GAPVD1: variants seen among roughly 807,000 people sequenced by gnomAD.
GAPVD1 encodes GTPase-activating protein and VPS9 domain-containing protein 1.
In GAPVD1, 35 loss-of-function variants were observed where a neutral mutation model predicts 155.5. The observed-to-expected ratio is 0.23, with a 90% confidence interval of 0.17 to 0.30. GAPVD1 has a LOEUF of 0.30. GAPVD1 is among the 10% of genes least tolerant of loss of function. GAPVD1 has a pLI of 1.00. For synonymous variants in GAPVD1, 636 were observed against 619.7 expected, an observed-to-expected ratio of 1.03 and a Z score of -0.39; for missense variants, 1,429 against 1,775.7, an observed-to-expected ratio of 0.80 and a Z score of 3.51.
chr9:125,361,115 C>T (rs1589151415), intron 27 of GAPVD1, among the ~76,000 whole-genome samples: 3 of 152,228 alleles, frequency 2.0e-5, no homozygotes, highest in South Asian at 2.1e-4. Flanking sequence ...GTGATTCGCC[C>T]GCCTCAGCCT....
At chr9:125,315,942 A>G (rs186288285) in intron 9 of GAPVD1, among the ~76,000 whole-genome samples, 11 of 152,288 alleles carry the variant, frequency 7.2e-5, no homozygotes, top group African/African-American at 2.6e-4. Flanking sequence ...CTGCCTGGCT[A>G]AGTGTTGAAG....
intron 24 of GAPVD1, 132 bp from the exon 25 acceptor site, chr9:125,355,512 C>G (rs1195640303): frequency 3.1e-5 from 19 of 611,332 alleles, no homozygotes; most frequent in African/African-American, 5.5e-5. Context: ...ATAAACTACA[C>G]TGAAACACTT....
chr9:125,341,312 G>T, intron 18 of GAPVD1, 48 bp downstream of exon 18: 3 of 931,230 alleles, frequency 3.2e-6, no homozygotes, highest in Non-Finnish European at 5.1e-6. Flanking sequence ...AAGAAGCAAA[G>T]CCCCAGAATC....
At chr9:125,267,976 G>A (rs1487103876) in intron 1 of GAPVD1, among the ~76,000 whole-genome samples, 2 of 151,808 alleles carry the variant, frequency 1.3e-5, no homozygotes, top group Non-Finnish European at 2.9e-5. Context: ...CAGCCTGGCC[G>A]ACATGATGAA....
At chr9:125,280,263 G>T (rs1017364893) in intron 2 of GAPVD1, among the ~76,000 whole-genome samples, 4 of 150,872 alleles carry the variant, frequency 2.7e-5, no homozygotes, top group African/African-American at 9.7e-5. Flanking sequence ...AGGCATGGTG[G>T]TGCATGCCTG....
At chr9:125,287,557 GA>G (rs1837907170) in intron 2 of GAPVD1, among the ~76,000 whole-genome samples, 1 of 152,142 alleles carries the variant, frequency 6.6e-6, no homozygotes, top group Non-Finnish European at 1.5e-5. Flanking sequence ...GCAGGAGCAG[GA>G]AAGTTTATGT....
chr9:125,326,231 T>C (rs1392507210), intron 11 of GAPVD1, among the ~76,000 whole-genome samples, 185 bp from the exon 12 acceptor site: 1 of 152,188 alleles, frequency 6.6e-6, no homozygotes, highest in Non-Finnish European at 1.5e-5. Flanking sequence ...AGAAGTGAAT[T>C]GATAGGCCAG....
At chr9:125,317,623 C>CT (rs1843644038) in intron 9 of GAPVD1, among the ~76,000 whole-genome samples, 2 of 129,012 alleles carry the variant, frequency 1.6e-5, no homozygotes, top group Admixed American at 8.2e-5. Flanking sequence ...GAAACTCTGT[C>CT]TCAAAAAAAA....
chr9:125,350,526 A>G, intron 22 of GAPVD1, 122 bp downstream of exon 22: 1 of 748,640 alleles, frequency 1.3e-6, no homozygotes, highest in Non-Finnish European at 2.3e-6. Context: ...ATATGTTTAC[A>G]TTAGTATCAC....
At chr9:125,325,221 A>G (rs1398685802) in intron 11 of GAPVD1, among the ~76,000 whole-genome samples, 1 of 132,890 alleles carries the variant, frequency 7.5e-6, no homozygotes, top group Non-Finnish European at 1.6e-5. Context: ...TGAGACTCTG[A>G]TTGAAAAAAA....
intron 9 of GAPVD1, among the ~76,000 whole-genome samples, chr9:125,317,715 T>A (rs1370470826): frequency 6.9e-6 from 1 of 145,842 alleles, no homozygotes; most frequent in Non-Finnish European, 1.5e-5. Context: ...TTTAAATCAA[T>A]TTTTTTTTTA....
Position 125,302,704 on chromosome 9 carries a change from A to T in GAPVD1, c.907A>T (p.Arg303Trp). Residue 303 changes from arginine to tryptophan, a missense_variant, in exon 5 of 28, where the codon AGG (arginine) becomes TGG (tryptophan). Physicochemically the swap from Arg to Trp is moderately radical, Grantham distance 101. Transcript: ENST00000297933. ...AGATAGGCTGGAAGTTGGGGAGGTC[A>T]GGGCAATGTGTACTGATCTCCTGTT... ...CVDRLEVGEV[R>W]AMCTDLLLAC... is the part of the protein sequence containing the mutation. The T allele has an allele frequency of 6.2e-7, 1 of 1,613,928 alleles. No individual in the cohort carries two copies. The highest frequency in any genetic ancestry group is 8.5e-7 in the Non-Finnish European group (1 of 1,179,960).
At chr9:125,358,498 T>TA (rs1294345368) in intron 25 of GAPVD1, among the ~76,000 whole-genome samples, 1 of 152,224 alleles carries the variant, frequency 6.6e-6, no homozygotes, top group Non-Finnish European at 1.5e-5. Flanking sequence ...GACAGTGGCT[T>TA]ACTGTGCCTG....
chr9:125,344,908 A>G (rs1435367145), intron 19 of GAPVD1, among the ~76,000 whole-genome samples: 1 of 152,178 alleles, frequency 6.6e-6, no homozygotes, highest in Non-Finnish European at 1.5e-5. Flanking sequence ...GACAGATCAG[A>G]TTTTATTAAG....
intron 2 of GAPVD1, among the ~76,000 whole-genome samples, chr9:125,285,065 G>A (rs1210579315): frequency 6.6e-6 from 1 of 152,180 alleles, no homozygotes; most frequent in African/African-American, 2.4e-5. Context: ...TCAGGGGTTG[G>A]CAGAGTTTTT....
intron 2 of GAPVD1, chr9:125,287,929 C>A (rs1359516452): frequency 6.6e-6 from 1 of 151,436 alleles, no homozygotes; most frequent in Non-Finnish European, 1.5e-5. Context: ...TTAGTAGAGA[C>A]GGGTTTCACC....
intron 15 of GAPVD1, among the ~76,000 whole-genome samples, chr9:125,333,346 C>CTGG (rs993776551): frequency 6.6e-6 from 1 of 152,160 alleles, no homozygotes; most frequent in African/African-American, 2.4e-5. Context: ...TCCCAAAGTG[C>CTGG]TGGGAGTACA....
chr9:125,312,413 C>T (rs1443437305), intron 8 of GAPVD1, 39 bp from the exon 9 acceptor site: 2 of 1,356,042 alleles, frequency 1.5e-6, no homozygotes, highest in Admixed American at 2.5e-5. Flanking sequence ...CTTCATTTGT[C>T]TATTTCTCTA....
At chr9:125,330,001 T>C in intron 12 of GAPVD1, 77 bp from the exon 13 acceptor site, 3 of 1,196,614 alleles carry the variant, frequency 2.5e-6, no homozygotes, top group Non-Finnish European at 3.5e-6. Context: ...TGTTAGCTAG[T>C]GTTTGGCTTT....
Sources: gnomAD v4.1 joint callset for allele counts (sites outside exome capture counted in the v4.1 genomes callset) on GRCh38, gnomAD v4.1.1 for gene constraint, MANE v1.5 for transcripts, NCBI Gene and HGNC (gene_info 2026-07-23, HGNC 2026-07-21) for gene names.